PPP1R12A: variants seen among roughly 807,000 people sequenced by gnomAD.
The protein encoded by PPP1R12A is myosin binding subunit.
Under a neutral mutation model 139.6 loss-of-function variants are expected in PPP1R12A, and 19 were observed. The ratio of observed to expected loss-of-function variants is 0.14; its 90% confidence interval spans 0.09 to 0.20. PPP1R12A has a LOEUF of 0.20. PPP1R12A is among the 10% of genes least tolerant of loss of function. PPP1R12A has a pLI of 1.00. For synonymous variants in PPP1R12A, 427 were observed against 420.6 expected, an observed-to-expected ratio of 1.02 and a Z score of -0.19; for missense variants, 925 against 1,211.5, an observed-to-expected ratio of 0.76 and a Z score of 3.51.
intron 1 of PPP1R12A, among the ~76,000 whole-genome samples, chr12:79,901,524 A>G (rs901733972): frequency 3.9e-5 from 6 of 152,190 alleles, no homozygotes; most frequent in Non-Finnish European, 8.8e-5. Context: ...ACAAAAAAAA[A>G]AAGTATGTGA....
At chr12:79,805,101 AT>A (rs1318464876) in intron 14 of PPP1R12A, among the ~76,000 whole-genome samples, 2 of 152,220 alleles carry the variant, frequency 1.3e-5, no homozygotes, top group African/African-American at 4.8e-5. Context: ...CATACTCAAA[AT>A]TATTTGGCTT....
At chr12:79,797,500 T>C in intron 15 of PPP1R12A, 105 bp from the exon 16 acceptor site, 1 of 1,086,162 alleles carries the variant, frequency 9.2e-7, no homozygotes, top group South Asian at 1.7e-5. Context: ...AAAAGTCAAA[T>C]ATGCATGTTT....
intron 3 of PPP1R12A, among the ~76,000 whole-genome samples, chr12:79,842,816 C>T (rs549437144): frequency 6.6e-6 from 1 of 152,092 alleles, no homozygotes; most frequent in Non-Finnish European, 1.5e-5. Context: ...CGATCCTCCC[C>T]CCTTAGCTGG....
At chr12:79,842,998 T>C (rs1296561581) in intron 3 of PPP1R12A, among the ~76,000 whole-genome samples, 2 of 152,194 alleles carry the variant, frequency 1.3e-5, no homozygotes, top group Non-Finnish European at 2.9e-5. Flanking sequence ...CTATTTTCTC[T>C]ATGAATTTGA....
rs1245359560 is a variant in PPP1R12A at position 79,775,234 on chromosome 12, A to G, written c.*695T>C. 6.6e-6 allele frequency: 1 copy of G among 152,618 alleles called. No homozygotes were observed. Among genetic ancestry groups the G allele is most frequent in the African/African-American group, 2.4e-5 (1 of 41,468 alleles). The allele number at this position is 152,618 out of a possible 1,614,324, so 9.5% of individuals were successfully genotyped here. A position where few individuals can be genotyped will look rare whatever the true frequency, so the allele number is the denominator to read the frequency against. On this transcript the variant is annotated 3_prime_UTR_variant, in exon 25 of 25. Transcript: ENST00000450142. ...AAAAGATCTAACCTCAAATGACTTTAAAGCATTCATATAAGAAATAAATGC... is the reference window on the plus strand; with the variant it reads ...AAAAGATCTAACCTCAAATGACTTTGAAGCATTCATATAAGAAATAAATGC...
intron 23 of PPP1R12A, chr12:79,780,720 A>C (rs1870338364): frequency 6.6e-6 from 1 of 152,176 alleles, no homozygotes; most frequent in Non-Finnish European, 1.5e-5. Flanking sequence ...ATTCAGTAAC[A>C]GTTAAATATT....
intron 1 of PPP1R12A, among the ~76,000 whole-genome samples, chr12:79,882,066 G>C (rs1175439816): frequency 1.3e-5 from 2 of 152,280 alleles, no homozygotes; most frequent in African/African-American, 4.8e-5. Context: ...GTCACCCAAG[G>C]GGTCTGATGG....
intron 2 of PPP1R12A, among the ~76,000 whole-genome samples, chr12:79,853,835 A>G (rs1404071007): frequency 1.3e-5 from 2 of 152,236 alleles, no homozygotes; most frequent in African/African-American, 4.8e-5. Context: ...TAAGATGCAC[A>G]TTTCCTACAC....
intron 5 of PPP1R12A, among the ~76,000 whole-genome samples, chr12:79,827,449 T>C (rs11831605): frequency 9.8e-4 from 150 of 152,300 alleles, no homozygotes; most frequent in African/African-American, 3.5e-3. Flanking sequence ...GATATTATCC[T>C]ATAAAATGCA....
At chr12:79,839,475 A>G (rs1046180071) in intron 3 of PPP1R12A, among the ~76,000 whole-genome samples, 45 of 152,220 alleles carry the variant, frequency 3.0e-4, no homozygotes, top group African/African-American at 1.1e-3. Flanking sequence ...GTGGGATGAT[A>G]TGATTTGTCT....
intron 1 of PPP1R12A, chr12:79,913,965 G>A (rs1273289352): frequency 6.6e-6 from 1 of 152,030 alleles, no homozygotes; most frequent in Admixed American, 6.6e-5. Flanking sequence ...TGCAGAAGTG[G>A]ATATGAGAAT....
At chr12:79,781,311 ATAGCCTACTTAAGT>A (rs1024445807) in intron 23 of PPP1R12A, among the ~76,000 whole-genome samples, 3 of 152,152 alleles carry the variant, frequency 2.0e-5, no homozygotes, top group African/African-American at 7.2e-5. Flanking sequence ...TTTGTTTAAA[ATAGCCTACTTAAGT>A]TAAATATTTA....
At position 79,809,892 on chromosome 12, in the gene PPP1R12A, G is replaced by T; in HGVS notation, c.1358C>A (p.Thr453Lys). 1 of 1,613,608 alleles carries T rather than the reference G, an allele frequency of 6.2e-7. No homozygotes were observed. Among genetic ancestry groups the T allele is most frequent in the Non-Finnish European group, 8.5e-7 (1 of 1,179,702 alleles). ...TTCTTTCTGACCCTCTTTAGATGCTGTGATTTCAGCAAGTGCACCATAGCT... is the reference window on the plus strand; with the variant it reads ...TTCTTTCTGACCCTCTTTAGATGCTTTGATTTCAGCAAGTGCACCATAGCT... ...TGSYGALAEI[T>K]ASKEGQKEKD... Residue 453 changes from threonine to lysine, a missense_variant, in exon 10 of 25, where the codon ACA (threonine) becomes AAA (lysine). Transcript: ENST00000450142.
At chr12:79,889,846 G>A (rs1884429655) in intron 1 of PPP1R12A, among the ~76,000 whole-genome samples, 1 of 152,142 alleles carries the variant, frequency 6.6e-6, no homozygotes, top group African/African-American at 2.4e-5. Context: ...TCCATGTCCA[G>A]TGAAGGTCTG....
Position 79,807,140 on chromosome 12 carries a change from A to G in PPP1R12A, c.1655+86T>C, listed in dbSNP as rs1873935242. On this transcript the variant is annotated intron_variant, in intron 12 of 24. Coordinates refer to ENST00000450142, the MANE Select transcript of PPP1R12A (RefSeq NM_002480.3). Reference sequence around the variant, plus strand: ...TAATAAAAACACATATTTGTTTAAAATGATGTTAAACTGAGGGCTCCAAAC... The same window carrying G: ...TAATAAAAACACATATTTGTTTAAAGTGATGTTAAACTGAGGGCTCCAAAC... 4 of 695,760 alleles carry G rather than the reference A, an allele frequency of 5.7e-6. No homozygotes were observed. The South Asian group carries it at 8.2e-5, about 14-fold the overall frequency. The allele number at this position is 695,760 out of a possible 1,614,324, so 43.1% of individuals were successfully genotyped here.
intron 20 of PPP1R12A, chr12:79,789,794 TTA>T: frequency 1.4e-4 from 51 of 371,150 alleles, no homozygotes; most frequent in East Asian, 2.3e-4. Context: ...TTTTTTTTTT[TTA>T]AAGACACAGG....
At chr12:79,913,561 A>G (rs1016916839) in intron 1 of PPP1R12A, among the ~76,000 whole-genome samples, 1 of 152,144 alleles carries the variant, frequency 6.6e-6, no homozygotes, top group Non-Finnish European at 1.5e-5. Flanking sequence ...CTAACACCAC[A>G]TTGTCTTAAT....
intron 1 of PPP1R12A, among the ~76,000 whole-genome samples, chr12:79,930,311 T>A (rs1300793993): frequency 6.6e-6 from 1 of 152,036 alleles, no homozygotes; most frequent in East Asian, 1.9e-4. Flanking sequence ...TGGAGATGTA[T>A]CAACCATAAG....
chr12:79,883,133 TCAAAACAAAAACAAA>T (rs1265971560), intron 1 of PPP1R12A, among the ~76,000 whole-genome samples: 1 of 152,058 alleles, frequency 6.6e-6, no homozygotes, highest in African/African-American at 2.4e-5. Flanking sequence ...CAAGACTCCG[TCAAAACAAAAACAAA>T]CAAAACAAAA....
Sources: allele counts gnomAD v4.1 joint callset (sites outside exome capture counted in the v4.1 genomes callset), GRCh38; gene constraint gnomAD v4.1.1; transcripts MANE v1.5; gene names NCBI Gene and HGNC (gene_info 2026-07-23, HGNC 2026-07-21).